Variants in TRABD2B observed in about 807,000 individuals in gnomAD.
TRABD2B encodes the protein metalloprotease TIKI2.
In TRABD2B, 14 loss-of-function variants were observed where a neutral mutation model predicts 40.1. That is an observed-to-expected ratio of 0.35 (90% confidence interval 0.23 to 0.55). The LOEUF (loss-of-function observed/expected upper bound fraction) is 0.55, where lower values mean the gene tolerates loss of function less well. TRABD2B is among the 20% of genes least tolerant of loss of function. The probability of loss-of-function intolerance (pLI) is 0.90; values close to 1 mark genes in which losing one functional copy is unlikely to be tolerated. For missense variants in TRABD2B, 541 were observed against 648.6 expected, an observed-to-expected ratio of 0.83 and a Z score of 1.80; for synonymous variants, 263 against 277.0, an observed-to-expected ratio of 0.95 and a Z score of 0.50.
intron 2 of TRABD2B, among the ~76,000 whole-genome samples, chr1:47,864,113 T>A (rs939017579): frequency 2.0e-5 from 3 of 152,062 alleles, no homozygotes; most frequent in Admixed American, 6.5e-5. Context: ...GAGGAATTAA[T>A]AGGTGGAGCA....
At chr1:47,894,313 T>G (rs1644488709) in intron 2 of TRABD2B, among the ~76,000 whole-genome samples, 1 of 152,216 alleles carries the variant, frequency 6.6e-6, no homozygotes. Context: ...GGAGATATAA[T>G]GGTACTTGGT....
In TRABD2B at chr1:47,875,845, C is replaced by CAGCCACAGATCAGTGCTGGCTGT. The variant is rs547501198; in HGVS notation, c.667-74249_667-74227dup. Among the ~76,000 whole-genome samples the CAGCCACAGATCAGTGCTGGCTGT allele has an allele frequency of 4.6e-3, 699 of 152,212 alleles. 6 individuals carry two copies. Among genetic ancestry groups the CAGCCACAGATCAGTGCTGGCTGT allele is most frequent in the African/African-American group, 0.017 (686 of 41,508 alleles). On this transcript the variant is annotated intron_variant, in intron 2 of 6. Coordinates refer to ENST00000606738, the MANE Select transcript of TRABD2B (RefSeq NM_001194986.2). ...CTGGCCCCCAGGTGAGTTCTCAACCCAGCCACAGATCAGTGCTGGCTGTGG... is the reference window on the plus strand; with the variant it reads ...CTGGCCCCCAGGTGAGTTCTCAACCCAGCCACAGATCAGTGCTGGCTGTAGCCACAGATCAGTGCTGGCTGTGG...
chr1:47,777,821 G>A (rs1479398384), intron 5 of TRABD2B, among the ~76,000 whole-genome samples: 1 of 152,174 alleles, frequency 6.6e-6, no homozygotes, highest in Non-Finnish European at 1.5e-5. Context: ...CTCATGTCTG[G>A]CCTGGTGCTG....
chr1:47,988,585 G>A (rs886630304), intron 2 of TRABD2B, among the ~76,000 whole-genome samples: 4 of 152,138 alleles, frequency 2.6e-5, no homozygotes, highest in African/African-American at 9.7e-5. Context: ...ATCACCCACT[G>A]GAACCAACAG....
At chr1:47,916,755 C>T (rs967758714) in intron 2 of TRABD2B, among the ~76,000 whole-genome samples, 2 of 152,130 alleles carry the variant, frequency 1.3e-5, no homozygotes, top group Non-Finnish European at 2.9e-5. Flanking sequence ...TCTTCTAACG[C>T]CTTCCCACCT....
rs1181053887 is a variant in TRABD2B, at chr1:47,766,115, G to A, written c.1350-9C>T. On this transcript the variant is annotated splice_polypyrimidine_tract_variant and intron_variant, in intron 6 of 6. Coordinates refer to ENST00000606738, the MANE Select transcript of TRABD2B (RefSeq NM_001194986.2). ...GTGGTGAGGCGGTGGTGCTGGAAAG[G>A]AGGAAGCACATGGCAGAGTCACCAT... The A allele has an allele frequency of 1.4e-6, 1 of 701,814 alleles. No homozygotes were observed. The allele number at this position is 701,814 out of a possible 1,614,324, so 43.5% of individuals were successfully genotyped here. A position where few individuals can be genotyped will look rare whatever the true frequency, so the allele number is the denominator to read the frequency against.
At chr1:47,806,865 C>A (rs72892321) in intron 2 of TRABD2B, among the ~76,000 whole-genome samples, 3,799 of 152,228 alleles carry the variant, frequency 0.025, 167 homozygotes, top group African/African-American at 0.086. Context: ...CCCCCTTAGT[C>A]AAGAAGAGGG....
intron 2 of TRABD2B, among the ~76,000 whole-genome samples, chr1:47,882,456 A>AG (rs1000811782): frequency 5.9e-5 from 9 of 152,260 alleles, no homozygotes; most frequent in Admixed American, 2.6e-4. Flanking sequence ...GTTGCGGGTG[A>AG]GGGGGTCTCT....
rs12408383 is a variant in TRABD2B, at chr1:47,854,968, T to C, written c.667-53349A>G. Reference sequence around the variant, plus strand: ...GCTGCTTACCACCTCTGAGCCTATTTCCTCATTTGTGAAATGAGGGTAATA... The same window carrying C: ...GCTGCTTACCACCTCTGAGCCTATTCCCTCATTTGTGAAATGAGGGTAATA... On this transcript the variant is annotated intron_variant, in intron 2 of 6. Coordinates refer to ENST00000606738, the MANE Select transcript of TRABD2B (RefSeq NM_001194986.2). Among the ~76,000 whole-genome samples, 981 of 152,336 alleles carry C rather than the reference T, an allele frequency of 6.4e-3. 46 individuals carry two copies. The highest frequency in any genetic ancestry group is 0.056 in the Admixed American group (856 of 15,302).
intron 2 of TRABD2B, among the ~76,000 whole-genome samples, chr1:47,844,237 C>G (rs969085220): frequency 1.3e-5 from 2 of 152,158 alleles, no homozygotes; most frequent in Non-Finnish European, 2.9e-5. Context: ...TTTTATAGGC[C>G]ACCCTTTGAA....
chr1:47,886,869 GT>G (rs1644378129), intron 2 of TRABD2B, among the ~76,000 whole-genome samples: 1 of 152,134 alleles, frequency 6.6e-6, no homozygotes, highest in Admixed American at 6.5e-5. Context: ...TCTCTGACAG[GT>G]TTCTAATGTG....
intron 2 of TRABD2B, among the ~76,000 whole-genome samples, chr1:47,832,048 T>A (rs1291532152): frequency 6.6e-6 from 1 of 151,996 alleles, no homozygotes; most frequent in Admixed American, 6.6e-5. Flanking sequence ...AAAGAAGAGG[T>A]CGGGCTGGGC....
At chr1:47,774,276 G>A (rs576265199) in intron 6 of TRABD2B, among the ~76,000 whole-genome samples, 1 of 152,212 alleles carries the variant, frequency 6.6e-6, no homozygotes, top group South Asian at 2.1e-4. Flanking sequence ...AGAGTCTAAG[G>A]CTCCCCCTGA....
At chr1:47,769,682 G>C (rs1262870475) in intron 6 of TRABD2B, among the ~76,000 whole-genome samples, 1 of 152,254 alleles carries the variant, frequency 6.6e-6, no homozygotes, top group African/African-American at 2.4e-5. Flanking sequence ...AACACTGCAA[G>C]TGTTCCCAGG....
chr1:47,986,993 C>T (rs1358027750), intron 2 of TRABD2B, among the ~76,000 whole-genome samples: 1 of 152,216 alleles, frequency 6.6e-6, no homozygotes, highest in African/African-American at 2.4e-5. Context: ...AAAAGAGCGT[C>T]AGCAGCCCGG....
In TRABD2B at chr1:47,774,026, C is replaced by T. The variant is rs142343130; in HGVS notation, c.1349+1144G>A. On this transcript the variant is annotated intron_variant, in intron 6 of 6. Transcript: ENST00000606738. ...GTGGGGACCCTGGTCAAACCCTCTC[C>T]GACTCAGGCCTTGGTTCACCATCTA... Among the ~76,000 whole-genome samples the T allele has an allele frequency of 1.4e-3, 219 of 152,298 alleles. 1 individual carries two copies. The highest frequency in any genetic ancestry group is 3.4e-3 in the Middle Eastern group (1 of 294).
At chr1:47,935,463 C>T (rs187551888) in intron 2 of TRABD2B, among the ~76,000 whole-genome samples, 26 of 152,258 alleles carry the variant, frequency 1.7e-4, no homozygotes, top group African/African-American at 6.3e-4. Context: ...ACATATCTGA[C>T]CTCAATAACA....
rs766467325 is a variant in TRABD2B at position 47,769,144 on chromosome 1, T to C, written c.1350-3038A>G. On this transcript the variant is annotated intron_variant, in intron 6 of 6. Transcript: ENST00000606738. ...GGGCAGGGATCATTACCTCAGCCCCTTTCCTCCCTTTCTTTTCTAATGAAA... is the reference window on the plus strand; with the variant it reads ...GGGCAGGGATCATTACCTCAGCCCCCTTCCTCCCTTTCTTTTCTAATGAAA... Among the ~76,000 whole-genome samples, 35 of 152,026 alleles carry C rather than the reference T, an allele frequency of 2.3e-4. 1 individual carries two copies. The highest frequency in any genetic ancestry group is 6.5e-4 in the Admixed American group (10 of 15,282).
rs1646062206 is a variant in TRABD2B, at chr1:47,994,531, T to C, written c.169A>G (p.Ile57Val). 9 of 1,536,080 alleles carry C rather than the reference T, an allele frequency of 5.9e-6. No individual in the cohort carries two copies. The highest frequency in any genetic ancestry group is 5.2e-6 in the Non-Finnish European group (6 of 1,146,900). ...RDPPAYLFGTIHVPYTRVWDF... is the reference protein window; with the variant it reads ...RDPPAYLFGTVHVPYTRVWDF... The stretch of plus-strand genomic sequence containing the variant: ...CAGACGCGGGTGTAGGGGACGTGAA[T>C]AGTGCCAAACAGGTAGGCCGGAGGA... Residue 57 changes from isoleucine to valine, a missense_variant, in exon 2 of 7, where the codon ATT (isoleucine) becomes GTT (valine). This residue lies in a region of TRABD2B where 369 missense variants were observed against 492.8 expected (regional missense o/e 0.75). Coordinates refer to ENST00000606738, the MANE Select transcript of TRABD2B (RefSeq NM_001194986.2). The surrounding 1 kb of genome is among the most constrained non-coding windows in gnomAD (Gnocchi z 6.7).
Sources: allele counts gnomAD v4.1 joint callset (sites outside exome capture counted in the v4.1 genomes callset), GRCh38; gene constraint gnomAD v4.1.1; regional missense constraint gnomAD v4.1.1; non-coding constraint Gnocchi (gnomAD v3.1); transcripts MANE v1.5; gene names NCBI Gene and HGNC (gene_info 2026-07-23, HGNC 2026-07-21).